The following ADAMDEC1 variants were observed in gnomAD, a reference collection of about 807,000 sequenced individuals.
ADAMDEC1 encodes the protein ADAM DEC1.
In ADAMDEC1, 62 loss-of-function variants were observed where a neutral mutation model predicts 60.4. That is an observed-to-expected ratio of 1.03 (90% CI 0.84 to 1.27). ADAMDEC1 has a LOEUF of 1.27. Ranked by LOEUF, ADAMDEC1 falls within the 50% of genes most tolerant of loss-of-function variation. The pLI is 0.00. For synonymous variants in ADAMDEC1, 210 were observed against 195.1 expected, an observed-to-expected ratio of 1.08 and a Z score of -0.64; for missense variants, 595 against 565.0, an observed-to-expected ratio of 1.05 and a Z score of -0.54.
intron 1 of ADAMDEC1, 104 bp downstream of exon 1, chr8:24,384,696 C>A: frequency 9.7e-7 from 1 of 1,028,308 alleles, no homozygotes; most frequent in Non-Finnish European, 1.4e-6. Context: ...GGTCGAAAGA[C>A]CATTACCATT....
chr8:24,394,060 T>C lies in ADAMDEC1; in HGVS notation c.285-9T>C, dbSNP rs764618232. On this transcript the variant is annotated splice_polypyrimidine_tract_variant and intron_variant, in intron 3 of 13. Coordinates refer to ENST00000256412, the MANE Select transcript of ADAMDEC1 (RefSeq NM_014479.3). ...CTGAGTGGTCCATGCAGCTCTCTGC[T>C]CTCTACAGGCACCTCCTGGGGCCAG... is the stretch of plus-strand genomic sequence containing the variant. The C allele has an allele frequency of 1.9e-6, 3 of 1,605,870 alleles. No individual in the cohort carries two copies. Among genetic ancestry groups the C allele is most frequent in the Non-Finnish European group, 2.6e-6 (3 of 1,173,112 alleles).
chr8:24,402,901 T>C (rs1259181853), intron 12 of ADAMDEC1, among the ~76,000 whole-genome samples: 5 of 152,200 alleles, frequency 3.3e-5, no homozygotes, highest in Admixed American at 2.6e-4. Flanking sequence ...GCATGGAATT[T>C]TACAAAAGAT....
Position 24,397,434 on chromosome 8 carries a change from C to G in ADAMDEC1, c.605C>G (p.Ser202Cys). ...TDGKQGPIRI[S>C]RSLKSPEKED... is the part of the protein sequence containing the mutation. ...GGGAAACAAGGCCCAATTCGAATCT[C>G]TAGATCACTCAAAAGCCCAGAGGTG... The change falls in exon 6 of 14, where the codon TCT becomes TGT. Residue 202 changes from serine (S) to cysteine (C), a missense_variant. Transcript: ENST00000256412. 1 of 1,613,654 alleles carries G rather than the reference C, an allele frequency of 6.2e-7. No homozygotes were observed. Among genetic ancestry groups the G allele is most frequent in the Non-Finnish European group, 8.5e-7 (1 of 1,179,732 alleles).
rs1300666588 is a variant in ADAMDEC1 at position 24,393,275 on chromosome 8, C to T, written c.221C>T (p.Pro74Leu). 6.3e-7 allele frequency: 1 copy of T among 1,596,474 alleles called. No homozygotes were observed. Among genetic ancestry groups the T allele is most frequent in the East Asian group, 2.3e-5 (1 of 44,252 alleles). The change falls in exon 3 of 14, where the codon CCT (proline) becomes CTT (leucine). Residue 74 changes from proline (P) to leucine (L), a missense_variant. Transcript: ENST00000256412. ...EKHGKEERYE[P>L]EVQYQMILNG... The stretch of plus-strand genomic sequence containing the variant: ...AAATGTTTTCAGGAAAGGTATGAAC[C>T]TGAAGTTCAATATCAGATGATCTTA...
At chr8:24,396,829 G>C (rs1681942183) in intron 5 of ADAMDEC1, among the ~76,000 whole-genome samples, 1 of 152,130 alleles carries the variant, frequency 6.6e-6, no homozygotes, top group Non-Finnish European at 1.5e-5. Context: ...TATAGAAAGA[G>C]GGATTCTTTA....
intron 5 of ADAMDEC1, 114 bp downstream of exon 5, chr8:24,395,910 C>G (rs1027735179): frequency 2.0e-5 from 15 of 741,938 alleles, no homozygotes; most frequent in Non-Finnish European, 3.1e-5. Flanking sequence ...TGCTGAAATG[C>G]TGAATATATG....
intron 1 of ADAMDEC1, 25 bp from the exon 2 acceptor site, chr8:24,392,237 G>A: frequency 2.6e-6 from 4 of 1,528,656 alleles, no homozygotes; most frequent in Non-Finnish European, 3.6e-6. Context: ...AATCTTTTAT[G>A]TGAATATTAT....
At chr8:24,393,369 T>G (rs1334549273) in intron 3 of ADAMDEC1, 31 bp downstream of exon 3, 6 of 1,424,190 alleles carry the variant, frequency 4.2e-6, no homozygotes, top group Non-Finnish European at 4.9e-6. Context: ...GTCTAATCAC[T>G]GGATTAGGTT....
In ADAMDEC1 at chr8:24,405,269, A is replaced by G. The variant is rs142105517; in HGVS notation, c.1407-23A>G. 2.9e-3 allele frequency: 4,688 copies of G among 1,611,134 alleles called. 7 individuals are homozygous for G. Among genetic ancestry groups the G allele is most frequent in the Middle Eastern group, 0.015 (91 of 6,044 alleles). On this transcript the variant is annotated intron_variant, in intron 13 of 13. Coordinates refer to ENST00000256412, the MANE Select transcript of ADAMDEC1 (RefSeq NM_014479.3). ...TAACTTGTAATAACCCTGGCTTCCAAATTTTATTTTTCCTTCAATCAGAGA... is the reference window on the plus strand; with the variant it reads ...TAACTTGTAATAACCCTGGCTTCCAGATTTTATTTTTCCTTCAATCAGAGA...
intron 4 of ADAMDEC1, among the ~76,000 whole-genome samples, chr8:24,394,620 A>G (rs1237687787): frequency 6.6e-6 from 1 of 152,186 alleles, no homozygotes; most frequent in Non-Finnish European, 1.5e-5. Context: ...ATTAAGAATC[A>G]TGGCATAGAA....
rs1817493013 is a variant in ADAMDEC1 at position 24,393,095 on chromosome 8, G to A, written c.208-167G>A. 3.3e-5 allele frequency among the ~76,000 whole-genome samples: 5 copies of A among 151,668 alleles called. No individual in the cohort carries two copies. The South Asian group carries it at 1.0e-3, about 32-fold the overall frequency. On this transcript the variant is annotated intron_variant, in intron 2 of 13. Coordinates refer to ENST00000256412, the MANE Select transcript of ADAMDEC1 (RefSeq NM_014479.3). ...TATCACATAATTGTACTTTTTGGAA[G>A]TCCATGTTAGTGCATAATTTGTTTT...
chr8:24,393,691 G>A (rs1345644775), intron 3 of ADAMDEC1, among the ~76,000 whole-genome samples: 1 of 152,094 alleles, frequency 6.6e-6, no homozygotes, highest in Non-Finnish European at 1.5e-5. Context: ...CAGGGGATGG[G>A]GTTCCTCCTA....
intron 7 of ADAMDEC1, 138 bp from the exon 8 acceptor site, chr8:24,398,342 C>T (rs535146101): frequency 5.3e-6 from 3 of 570,640 alleles, no homozygotes; most frequent in Non-Finnish European, 9.1e-6. Context: ...TGCAGTCTTA[C>T]ATTATTTAAT....
chr8:24,391,234 G>C lies in ADAMDEC1; in HGVS notation c.89-1028G>C, dbSNP rs550032861. On this transcript the variant is annotated intron_variant, in intron 1 of 13. Coordinates refer to ENST00000256412, the MANE Select transcript of ADAMDEC1 (RefSeq NM_014479.3). ...CCCTAAGATCACTCTGTCATACTGA[G>C]TGGAAAACTGTCTCTAAGCACAGAT... 1.3e-3 allele frequency among the ~76,000 whole-genome samples: 196 copies of C among 152,254 alleles called. 2 individuals carry two copies. Among genetic ancestry groups the C allele is most frequent in the Middle Eastern group, 3.4e-3 (1 of 294 alleles).
At chr8:24,404,210 A>T (rs1055952558) in intron 13 of ADAMDEC1, 122 bp downstream of exon 13, 7 of 842,246 alleles carry the variant, frequency 8.3e-6, no homozygotes, top group Non-Finnish European at 1.1e-5. Flanking sequence ...TTTTCAAACG[A>T]CTCAATTTTG....
chr8:24,389,696 A>G (rs1377976395), intron 1 of ADAMDEC1, among the ~76,000 whole-genome samples: 2 of 152,154 alleles, frequency 1.3e-5, no homozygotes, highest in East Asian at 3.9e-4. Flanking sequence ...TGCATATTCT[A>G]TTATTCACTC....
chr8:24,389,116 T>C (rs571521679), intron 1 of ADAMDEC1, among the ~76,000 whole-genome samples: 2 of 152,256 alleles, frequency 1.3e-5, no homozygotes, highest in East Asian at 3.9e-4. Context: ...CTGGAAATCT[T>C]AGAGGGATCC....
intron 1 of ADAMDEC1, among the ~76,000 whole-genome samples, chr8:24,386,757 T>C (rs1021211778): frequency 1.3e-5 from 2 of 152,182 alleles, no homozygotes; most frequent in Admixed American, 1.3e-4. Flanking sequence ...CCTTTTTCTT[T>C]CTCTTCTGCC....
intron 7 of ADAMDEC1, among the ~76,000 whole-genome samples, 180 bp downstream of exon 7, chr8:24,397,925 T>C (rs1328767158): frequency 6.6e-6 from 1 of 151,990 alleles, no homozygotes; most frequent in Non-Finnish European, 1.5e-5. Flanking sequence ...AATATCCATC[T>C]GCCACCAAAA....
Sources: allele counts gnomAD v4.1 joint callset (sites outside exome capture counted in the v4.1 genomes callset), GRCh38; gene constraint gnomAD v4.1.1; transcripts MANE v1.5; gene names NCBI Gene and HGNC (gene_info 2026-07-23, HGNC 2026-07-21).